The following PRKG1 variants were observed in gnomAD, a reference collection of about 807,000 sequenced individuals.
The protein encoded by PRKG1 is protein kinase cGMP-dependent 1, also known as cGMP-dependent protein kinase 1.
In PRKG1, 35 loss-of-function variants were observed where a neutral mutation model predicts 88.1. The ratio of observed to expected loss-of-function variants is 0.40; its 90% CI spans 0.30 to 0.53. PRKG1 has a LOEUF of 0.53. PRKG1 is among the 20% of genes least tolerant of loss of function. PRKG1 has a pLI of 0.59. For synonymous variants in PRKG1, 303 were observed against 292.5 expected, an observed-to-expected ratio of 1.04 and a Z score of -0.37; for missense variants, 540 against 839.8, an observed-to-expected ratio of 0.64 and a Z score of 4.41.
intron 3 of PRKG1, among the ~76,000 whole-genome samples, chr10:51,782,069 A>C (rs1838604922): frequency 6.6e-6 from 1 of 152,054 alleles, no homozygotes; most frequent in Non-Finnish European, 1.5e-5. Flanking sequence ...TAGAGAGATG[A>C]AGAATTCTAT....
At chr10:51,146,288 A>G (rs1385031055) in intron 1 of PRKG1, among the ~76,000 whole-genome samples, 1 of 152,096 alleles carries the variant, frequency 6.6e-6, no homozygotes, top group Non-Finnish European at 1.5e-5. Flanking sequence ...AACTGGTTTA[A>G]GATGATGGCT....
chr10:51,464,708 G>A (rs1237106711), intron 2 of PRKG1, among the ~76,000 whole-genome samples: 2 of 151,300 alleles, frequency 1.3e-5, no homozygotes, highest in African/African-American at 4.9e-5. Context: ...CGGCTAAAAC[G>A]GTGAAACCCC....
At chr10:51,520,553 T>A (rs1450405503) in intron 3 of PRKG1, among the ~76,000 whole-genome samples, 1 of 152,020 alleles carries the variant, frequency 6.6e-6, no homozygotes, top group Admixed American at 6.6e-5. Flanking sequence ...CAAAAATGCA[T>A]AATAAACATT....
chr10:51,005,777 T>C (rs1189309341), intron 1 of PRKG1, among the ~76,000 whole-genome samples: 1 of 152,224 alleles, frequency 6.6e-6, no homozygotes, highest in African/African-American at 2.4e-5. Flanking sequence ...GAAGAGCTGC[T>C]CAGAGTGCTA....
At chr10:51,659,518 T>C (rs1023742669) in intron 3 of PRKG1, among the ~76,000 whole-genome samples, 1 of 152,082 alleles carries the variant, frequency 6.6e-6, no homozygotes, top group African/African-American at 2.4e-5. Flanking sequence ...GATGATGTGA[T>C]GACTAAAAGG....
In PRKG1 at chr10:51,787,263, C is replaced by T. The variant is rs118047558; in HGVS notation, c.593-17322C>T. 2.2e-4 allele frequency among the ~76,000 whole-genome samples: 33 copies of T among 152,270 alleles called. 1 individual carries two copies. The East Asian group carries it at 5.6e-3, about 26-fold the overall frequency. ...AAATTGTCAAATTTTGTTCAAATGGCTTCAAGCTTTCAGAGTTTATTATCC... is the reference window on the plus strand; with the variant it reads ...AAATTGTCAAATTTTGTTCAAATGGTTTCAAGCTTTCAGAGTTTATTATCC... On this transcript the variant is annotated intron_variant, in intron 3 of 17. Coordinates refer to ENST00000373980, the MANE Select transcript of PRKG1 (RefSeq NM_006258.4).
At chr10:52,234,898 T>C (rs1191588790) in intron 9 of PRKG1, among the ~76,000 whole-genome samples, 2 of 114,348 alleles carry the variant, frequency 1.7e-5, no homozygotes, top group East Asian at 4.7e-4. Context: ...GGAAAAAATG[T>C]TAAGGGCAGC....
chr10:51,709,196 T>C (rs1281717102), intron 3 of PRKG1, among the ~76,000 whole-genome samples: 2 of 152,210 alleles, frequency 1.3e-5, no homozygotes, highest in Non-Finnish European at 2.9e-5. Context: ...AGTAGAGGAA[T>C]GTTTAGCCAC....
intron 3 of PRKG1, among the ~76,000 whole-genome samples, chr10:51,620,580 G>A (rs983038360): frequency 2.6e-5 from 4 of 152,152 alleles, no homozygotes; most frequent in Non-Finnish European, 5.9e-5. Flanking sequence ...ATACATCGTT[G>A]TGTAATTTCT....
At chr10:52,283,804 A>AT (rs1321917380) in intron 14 of PRKG1, among the ~76,000 whole-genome samples, 7 of 152,072 alleles carry the variant, frequency 4.6e-5, no homozygotes, top group Non-Finnish European at 8.8e-5. Context: ...AGAGAGATAG[A>AT]TAAAAAGGTA....
intron 1 of PRKG1, among the ~76,000 whole-genome samples, chr10:51,117,380 G>T (rs957809964): frequency 1.3e-5 from 2 of 152,212 alleles, no homozygotes; most frequent in Non-Finnish European, 2.9e-5. Flanking sequence ...TCATGTGGTA[G>T]CACTTGTCAA....
chr10:52,293,840 C>T lies in PRKG1; in HGVS notation c.2001C>T (p.Phe667=), dbSNP rs1842325819. 1.9e-6 allele frequency: 3 copies of T among 1,613,314 alleles called. No homozygotes were observed. The highest frequency in any genetic ancestry group is 2.5e-6 in the Non-Finnish European group (3 of 1,179,432). Residue 667 remains phenylalanine (F), a synonymous_variant, in exon 18 of 18, where the codon TTC becomes TTT. Transcript: ENST00000373980. Reference sequence around the variant, plus strand: ...CAGACACAAGTAATTTTGACAGTTTCCCTGAGGACAACGATGAACCACCAC... The same window carrying T: ...CAGACACAAGTAATTTTGACAGTTTTCCTGAGGACAACGATGAACCACCAC... ...SPTDTSNFDS[F]PEDNDEPPPD... is the part of the protein sequence containing the mutation.
At chr10:52,195,641 A>G (rs2134760) in intron 9 of PRKG1, among the ~76,000 whole-genome samples, 39,129 of 152,100 alleles carry the variant, frequency 0.26, 6,029 homozygotes, top group Admixed American at 0.41. Context: ...AGGCTTTTAA[A>G]TTTGTTAATT....
At chr10:51,271,922 G>T (rs1839989243) in intron 2 of PRKG1, among the ~76,000 whole-genome samples, 1 of 152,078 alleles carries the variant, frequency 6.6e-6, no homozygotes, top group Admixed American at 6.5e-5. Flanking sequence ...TAATTCTTTG[G>T]GTGTATACCC....
intron 3 of PRKG1, among the ~76,000 whole-genome samples, chr10:51,520,839 GTTAGTAC>G (rs1362270783): frequency 6.6e-6 from 1 of 152,196 alleles, no homozygotes; most frequent in Non-Finnish European, 1.5e-5. Flanking sequence ...ATTGAAAGTG[GTTAGTAC>G]TTGGATGTAT....
At chr10:51,559,897 A>G (rs1050028438) in intron 3 of PRKG1, among the ~76,000 whole-genome samples, 2 of 152,068 alleles carry the variant, frequency 1.3e-5, no homozygotes, top group Admixed American at 1.3e-4. Context: ...ATATAATTTT[A>G]TATTATTGAT....
chr10:51,410,262 A>G (rs1426387780), intron 2 of PRKG1, among the ~76,000 whole-genome samples: 4 of 139,202 alleles, frequency 2.9e-5, no homozygotes, highest in South Asian at 4.6e-4. Context: ...GTGTGTGTAT[A>G]TATATATATG....
At chr10:52,131,844 A>AAAAAAAAACAAAAAC (rs764532999) in intron 7 of PRKG1, among the ~76,000 whole-genome samples, 1 of 117,174 alleles carries the variant, frequency 8.5e-6, no homozygotes, top group South Asian at 3.3e-4. Context: ...AAAAAAAAAA[A>AAAAAAAAACAAAAAC]AAGAGGCCAG....
At chr10:52,073,388 T>G (rs991724313) in intron 7 of PRKG1, among the ~76,000 whole-genome samples, 1 of 152,126 alleles carries the variant, frequency 6.6e-6, no homozygotes, top group African/African-American at 2.4e-5. Flanking sequence ...TCATGCCACT[T>G]TTCTCCTCAA....
Sources: gnomAD v4.1 joint callset for allele counts (sites outside exome capture counted in the v4.1 genomes callset) on GRCh38, gnomAD v4.1.1 for gene constraint, MANE v1.5 for transcripts, NCBI Gene and HGNC (gene_info 2026-07-23, HGNC 2026-07-21) for gene names.